Variants in ABCG5 observed in about 807,000 individuals in gnomAD.
ABCG5 encodes ATP binding cassette subfamily G member 5, also known as ATP-binding cassette sub-family G member 5.
In ABCG5, 64 loss-of-function variants were observed where a neutral mutation model predicts 64.5. The ratio of observed to expected loss-of-function variants is 0.99; its 90% CI spans 0.81 to 1.22. The LOEUF is 1.22. Among genes scored for constraint, ABCG5 ranks in the 50% most tolerant of loss-of-function variants. The probability of loss-of-function intolerance (pLI) is 0.00; values close to 1 mark genes in which losing one functional copy is unlikely to be tolerated. For synonymous variants in ABCG5, 385 were observed against 326.3 expected, an observed-to-expected ratio of 1.18 and a Z score of -1.94; for missense variants, 908 against 829.5, an observed-to-expected ratio of 1.09 and a Z score of -1.16.
In ABCG5 at chr2:43,814,582, G is replaced by T; in HGVS notation, c.1657C>A (p.Gln553Lys). 1.3e-6 allele frequency: 2 copies of T among 1,578,326 alleles called. No individual in the cohort carries two copies. Among genetic ancestry groups the T allele is most frequent in the South Asian group, 1.1e-5 (1 of 89,846 alleles). ...LVGSGFLRNI[Q>K]EMPIPFKIIS... Reference sequence around the variant, plus strand: ...ATTTTAAAAGGAATGGGCATTTCTTGTATGTTTCTTAAGAAAAAGAAAACA... The same window carrying T: ...ATTTTAAAAGGAATGGGCATTTCTTTTATGTTTCTTAAGAAAAAGAAAACA... The change falls in exon 12 of 13, where the codon CAA becomes AAA. Residue 553 changes from glutamine to lysine, a missense_variant. By Grantham distance (53) the Gln-to-Lys change is moderately conservative. Coordinates refer to ENST00000405322, the MANE Select transcript of ABCG5 (RefSeq NM_022436.3).
chr2:43,819,481 CTT>C (rs4148199), intron 11 of ABCG5, among the ~76,000 whole-genome samples: 22 of 143,058 alleles, frequency 1.5e-4, no homozygotes, highest in African/African-American at 3.0e-4. Context: ...ATCCTGCAGG[CTT>C]TTTTTTTTTT....
chr2:43,812,163 A>C (rs1296405845), downstream of ABCG5, among the ~76,000 whole-genome samples: 1 of 151,986 alleles, frequency 6.6e-6, no homozygotes, highest in African/African-American at 2.4e-5. Context: ...CGATCCTTCC[A>C]CATCAGCCTC....
chr2:43,833,182 C>T (rs1327893926), intron 2 of ABCG5, among the ~76,000 whole-genome samples: 1 of 152,002 alleles, frequency 6.6e-6, no homozygotes, highest in Admixed American at 6.6e-5. Context: ...CACAAGTTTA[C>T]CATAGGCCCA....
chr2:43,819,612 G>C (rs1054727089), intron 11 of ABCG5, among the ~76,000 whole-genome samples: 2 of 152,084 alleles, frequency 1.3e-5, no homozygotes, highest in African/African-American at 4.8e-5. Flanking sequence ...CATGTGGGCT[G>C]TGAGTTTTTC....
chr2:43,815,910 G>GAAAAAAAAA (rs4148200), intron 11 of ABCG5, among the ~76,000 whole-genome samples: 6 of 104,020 alleles, frequency 5.8e-5, no homozygotes, highest in East Asian at 7.0e-4. Context: ...AACAGGAAAA[G>GAAAAAAAAA]AAAAAAAAAA....
In ABCG5 at chr2:43,828,080, A is replaced by G. The variant is rs1303264901; in HGVS notation, c.537T>C (p.His179=). 2 of 1,613,984 alleles carry G rather than the reference A, an allele frequency of 1.2e-6. No individual in the cohort carries two copies. Among genetic ancestry groups the G allele is most frequent in the African/African-American group, 2.7e-5 (2 of 74,900 alleles). The change falls in exon 5 of 13, where the codon CAT becomes CAC. Residue 179 remains histidine (H), a synonymous_variant. Coordinates refer to ENST00000405322, the MANE Select transcript of ABCG5 (RefSeq NM_022436.3). ...EAVMAELSLS[H]VADRLIGNYS... The stretch of plus-strand genomic sequence containing the variant: ...AGTTGCCAATCAGTCGGTCTGCCAC[A>G]TGGCTCAGACTCAGCTCTGCCATGA...
intron 2 of ABCG5, among the ~76,000 whole-genome samples, chr2:43,835,012 T>C (rs1668174426): frequency 6.6e-6 from 1 of 152,244 alleles, no homozygotes; most frequent in African/African-American, 2.4e-5. Flanking sequence ...TCAACAAATA[T>C]TTATTAAGCA....
At chr2:43,831,254 C>T (rs1351485183) in intron 4 of ABCG5, among the ~76,000 whole-genome samples, 5 of 152,144 alleles carry the variant, frequency 3.3e-5, no homozygotes, top group Non-Finnish European at 5.9e-5. Flanking sequence ...CTCGCTGCAG[C>T]CTCGACCTCC....
downstream of ABCG5, chr2:43,809,939 A>G: frequency 7.4e-7 from 1 of 1,344,086 alleles, no homozygotes; most frequent in Non-Finnish European, 9.6e-7. Context: ...AAGCTTTTTA[A>G]AAGGAAAAAT....
Position 43,837,829 on chromosome 2 carries a change from C to T in ABCG5, c.265+5G>A, listed in dbSNP as rs1287508200. On this transcript the variant is annotated splice_donor_5th_base_variant and intron_variant, in intron 2 of 12. Coordinates refer to ENST00000405322, the MANE Select transcript of ABCG5 (RefSeq NM_022436.3). ...CCTTTTTAGAATCCTCCTTCCCAAG[C>T]TTACCTGAGCTTCCTAGGATGCACA... 2.5e-6 allele frequency: 4 copies of T among 1,613,866 alleles called. No homozygotes were observed. Among genetic ancestry groups the T allele is most frequent in the South Asian group, 1.1e-5 (1 of 91,078 alleles).
At chr2:43,824,516 G>T in intron 7 of ABCG5, 84 bp from the exon 8 acceptor site, 1 of 1,596,766 alleles carries the variant, frequency 6.3e-7, no homozygotes, top group South Asian at 1.1e-5. Context: ...CAGGAGTACT[G>T]GCCATAATAC....
chr2:43,820,236 A>T, intron 10 of ABCG5, 136 bp from the exon 11 acceptor site: 1 of 1,024,812 alleles, frequency 9.8e-7, no homozygotes, highest in East Asian at 2.6e-5. Flanking sequence ...CTCCCCTTTG[A>T]AAGGCCGTTT....
Position 43,838,219 on chromosome 2 carries a change from AC to A in ABCG5, c.144-265del. ...GAGGTGGCTGTCCCTGCATTCTTTCACCAGGTTTCAAGACTCCTTGCATTCG... is the reference window on the plus strand; with the variant it reads ...GAGGTGGCTGTCCCTGCATTCTTTCACAGGTTTCAAGACTCCTTGCATTCG... On this transcript the variant is annotated intron_variant, in intron 1 of 12. Transcript: ENST00000405322. This position sits in a 1 kb window ranked among gnomAD's most constrained non-coding sequence, Gnocchi z 4.2. 1 of 594,118 alleles carries A rather than the reference AC, an allele frequency of 1.7e-6. No homozygotes were observed. The highest frequency in any genetic ancestry group is 3.0e-6 in the Non-Finnish European group (1 of 335,932). 36.8% of individuals were successfully genotyped at this position (594,118 alleles called of 1,614,324 possible).
At chr2:43,823,881 AAG>A (rs766160470) in intron 9 of ABCG5, 30 bp downstream of exon 9, 42 of 1,609,830 alleles carry the variant, frequency 2.6e-5, no homozygotes, top group Non-Finnish European at 3.5e-5. Context: ...TTTAGGGAGA[AAG>A]AGGTGCACCT....
rs186297840 is a variant in ABCG5, at chr2:43,822,599, G to A, written c.1463+198C>T. 938 of 985,196 alleles carry A rather than the reference G, an allele frequency of 9.5e-4. 8 individuals carry two copies. In the African/African-American group the frequency reaches 0.013, roughly 14 times the overall value. 61.0% of individuals were successfully genotyped at this position (985,196 alleles called of 1,614,324 possible). A position where few individuals can be genotyped will look rare whatever the true frequency, so the allele number is the denominator to read the frequency against. On this transcript the variant is annotated intron_variant, in intron 10 of 12. Coordinates refer to ENST00000405322, the MANE Select transcript of ABCG5 (RefSeq NM_022436.3). ...ATGTCATCTTGTTGGTTTGTTCTCA[G>A]GTCTCCTGCAACCCACAGTTGGGCT...
Position 43,813,709 on chromosome 2 carries a change from G to GTTTTTTTTTTTTTTTTTT in ABCG5, c.1763-418_1763-401dup, listed in dbSNP as rs1214033245. On this transcript the variant is annotated intron_variant, in intron 12 of 12. Transcript: ENST00000405322. ...TGTTTTTTTTGGGGTTTTTTTTTTC[G>GTTTTTTTTTTTTTTTTTT]TTTTTTTTTTTTTTTTTTTTTTTTT... Among the ~76,000 whole-genome samples, 9 of 34,064 alleles carry GTTTTTTTTTTTTTTTTTT rather than the reference G, an allele frequency of 2.6e-4. 1 individual carries two copies. Among genetic ancestry groups the GTTTTTTTTTTTTTTTTTT allele is most frequent in the African/African-American group, 3.8e-4 (3 of 7,830 alleles). The allele number at this position is 34,064 out of a possible 152,430, so 22.3% of individuals were successfully genotyped here. A position where few individuals can be genotyped will look rare whatever the true frequency, so the allele number is the denominator to read the frequency against.
downstream of ABCG5, chr2:43,810,078 AAAGT>A: frequency 1.6e-6 from 1 of 609,826 alleles, no homozygotes; most frequent in African/African-American, 2.0e-5. Flanking sequence ...TAGGAATATA[AAAGT>A]AAGAGTATTT....
intron 4 of ABCG5, 154 bp from the exon 5 acceptor site, chr2:43,828,269 T>A: frequency 1.0e-6 from 1 of 979,902 alleles, no homozygotes; most frequent in South Asian, 1.4e-5. Flanking sequence ...ATGTCTTTGA[T>A]AATAATATGA....
At chr2:43,830,804 C>T (rs752387061) in intron 4 of ABCG5, among the ~76,000 whole-genome samples, 4 of 152,218 alleles carry the variant, frequency 2.6e-5, no homozygotes, top group Non-Finnish European at 4.4e-5. Context: ...CAGGTAAGGT[C>T]CCCGGTGGGT....
Sources: allele counts gnomAD v4.1 joint callset (sites outside exome capture counted in the v4.1 genomes callset), GRCh38; gene constraint gnomAD v4.1.1; non-coding constraint Gnocchi (gnomAD v3.1); transcripts MANE v1.5; gene names NCBI Gene and HGNC (gene_info 2026-07-23, HGNC 2026-07-21).